Variants in TCHH observed in about 807,000 individuals in gnomAD.
TCHH encodes trichohyalin.
TCHH carries 6 observed loss-of-function variants against 6.3 expected under a neutral mutation model. The ratio of observed to expected loss-of-function variants is 0.95; its 90% CI spans 0.52 to 1.88. TCHH has a LOEUF of 1.88. TCHH is among the 40% of genes most tolerant of loss of function. The pLI is 0.01. For missense variants in TCHH, 2,920 were observed against 2,449.1 expected (o/e 1.19, Z -4.06); for synonymous variants, 1,087 against 963.6 (o/e 1.13, Z -2.37).
In TCHH at chr1:152,113,056, A is replaced by G; in HGVS notation, c.161T>C (p.Val54Ala). The change falls in exon 3 of 3, where the codon GTA becomes GCA. Residue 54 changes from valine (V) to alanine (A), a missense_variant. Coordinates refer to ENST00000614923, the MANE Select transcript of TCHH (RefSeq NM_007113.4). ...ATCCAGAAGTTCCAGGATCAGATCT[A>G]CCGTCTTAGGGTCATGTGGTCTCTA... ...VLRRPHDPKTVDLILELLDLD... is the reference protein window; with the variant it reads ...VLRRPHDPKTADLILELLDLD... 6.2e-7 allele frequency: 1 copy of G among 1,612,858 alleles called. No individual in the cohort carries two copies. Among genetic ancestry groups the G allele is most frequent in the Non-Finnish European group, 8.5e-7 (1 of 1,179,344 alleles).
In TCHH at chr1:152,108,320, C is replaced by A; in HGVS notation, c.4897G>T (p.Glu1633Ter). Residue 1633 changes from glutamate to a stop codon, truncating the protein, a stop_gained, in exon 3 of 3, where the codon GAA becomes TAA. Transcript: ENST00000614923. LOFTEE classifies it low-confidence loss of function (END_TRUNC). ...EDEQLLQEREEQQLHRQERDR... is the reference protein window; with the variant it reads ...EDEQLLQERE ...CGCTCTTGGCGGTGCAGCTGCTGTTCTTCCCTTTCCTGGAGCAGCTGTTCG... is the reference window on the plus strand; with the variant it reads ...CGCTCTTGGCGGTGCAGCTGCTGTTATTCCCTTTCCTGGAGCAGCTGTTCG... 2 of 1,611,870 alleles carry A rather than the reference C, an allele frequency of 1.2e-6. No individual in the cohort carries two copies. Among genetic ancestry groups the A allele is most frequent in the Non-Finnish European group, 1.7e-6 (2 of 1,179,144 alleles).
chr1:152,110,626 C>T lies in TCHH; in HGVS notation c.2591G>A (p.Arg864Gln), dbSNP rs1200172563. Residue 864 changes from arginine (R) to glutamine (Q), a missense_variant, in exon 3 of 3, where the codon CGA (arginine) becomes CAA (glutamine). Coordinates refer to ENST00000614923, the MANE Select transcript of TCHH (RefSeq NM_007113.4). ...TTGGTCGCGGCGCTGCTCCTGGCTT[C>T]GCCTCCTCTCCTGATCCTCCTGGAG... ...DGLQEDQERR[R>Q]SQEQRRDQKW... 3 of 1,612,542 alleles carry T rather than the reference C, an allele frequency of 1.9e-6. No homozygotes were observed. The highest frequency in any genetic ancestry group is 1.7e-5 in the Admixed American group (1 of 59,888).
At position 152,108,413 on chromosome 1, in the gene TCHH, G is replaced by C. The variant is rs774796517; in HGVS notation, c.4804C>G (p.Gln1602Glu). Residue 1602 changes from glutamine (Q) to glutamate (E), a missense_variant, in exon 3 of 3, where the codon CAG becomes GAG. Gln to Glu is a conservative substitution (Grantham distance 29). Transcript: ENST00000614923. The stretch of plus-strand genomic sequence containing the variant: ...TGGCCCTCCTGGCGGCGCAGCTGCT[G>C]TTCGTCCTCCATGAATTTTCTCTCT... ...EQERKFMEDE[Q>E]QLRRQEGQQQ... 1.9e-6 allele frequency: 3 copies of C among 1,613,472 alleles called. No homozygotes were observed. The highest frequency in any genetic ancestry group is 1.7e-6 in the Non-Finnish European group (2 of 1,179,906).
chr1:152,108,445 T>G lies in TCHH; in HGVS notation c.4772A>C (p.Gln1591Pro). 3.1e-6 allele frequency: 5 copies of G among 1,613,788 alleles called. No homozygotes were observed. Among genetic ancestry groups the G allele is most frequent in the Non-Finnish European group, 4.2e-6 (5 of 1,179,916 alleles). The change falls in exon 3 of 3, where the codon CAG becomes CCG. Residue 1591 changes from glutamine to proline, a missense_variant. By Grantham distance (76) the Gln-to-Pro change is moderately conservative. Coordinates refer to ENST00000614923, the MANE Select transcript of TCHH (RefSeq NM_007113.4). ...CTCCATGAATTTTCTCTCTTGTTCC[T>G]GGCGGCGCACTTTCTGTTCCTCTAA... The part of the protein sequence containing the change: ...FRLEEQKVRR[Q>P]EQERKFMEDE...
chr1:152,112,628 T>G lies in TCHH; in HGVS notation c.589A>C (p.Lys197Gln). The change falls in exon 3 of 3, where the codon AAA becomes CAA. Residue 197 changes from lysine to glutamine, a missense_variant. By Grantham distance (53) the Lys-to-Gln change is moderately conservative. Coordinates refer to ENST00000614923, the MANE Select transcript of TCHH (RefSeq NM_007113.4). Reference protein sequence around the residue: ...RAEEEQLQSCKGHETEEFPDE... With the variant: ...RAEEEQLQSCQGHETEEFPDE... ...GGAAACTCCTCAGTTTCGTGACCTT[T>G]GCAACTCTGCAGCTGCTCTTCCTCT... The G allele has an allele frequency of 6.2e-7, 1 of 1,613,802 alleles. No individual in the cohort carries two copies. The highest frequency in any genetic ancestry group is 8.5e-7 in the Non-Finnish European group (1 of 1,180,004).
chr1:152,114,771 C>T (rs1240439683), intron 1 of TCHH, among the ~76,000 whole-genome samples: 5 of 152,206 alleles, frequency 3.3e-5, no homozygotes, highest in African/African-American at 1.2e-4. Flanking sequence ...CCTGCCTCAA[C>T]TCAGATATAG....
rs1227941375 is a variant in TCHH at position 152,108,267 on chromosome 1, C to G, written c.4950G>C (p.Pro1650=). 1 of 1,612,546 alleles carries G rather than the reference C, an allele frequency of 6.2e-7. No individual in the cohort carries two copies. The highest frequency in any genetic ancestry group is 1.3e-5 in the African/African-American group (1 of 74,620). The change falls in exon 3 of 3, where the codon CCG becomes CCC. Residue 1650 remains proline (P), a synonymous_variant. Transcript: ENST00000614923. The part of the protein sequence containing the change: ...ERDRKFLEEE[P]QLRRQEREQQ... Reference sequence around the variant, plus strand: ...GTTCGCGCTCCTGGCGGCGCAGCTGCGGTTCCTCCTCGAGGAATTTTCTGT... The same window carrying G: ...GTTCGCGCTCCTGGCGGCGCAGCTGGGGTTCCTCCTCGAGGAATTTTCTGT...
chr1:152,111,668 G>T lies in TCHH; in HGVS notation c.1549C>A (p.Gln517Lys). 1 of 1,572,790 alleles carries T rather than the reference G, an allele frequency of 6.4e-7. No individual in the cohort carries two copies. The highest frequency in any genetic ancestry group is 8.7e-7 in the Non-Finnish European group (1 of 1,151,424). Residue 517 changes from glutamine to lysine, a missense_variant, in exon 3 of 3, where the codon CAG (glutamine) becomes AAG (lysine). Physicochemically the swap from Gln to Lys is moderately conservative, Grantham distance 53 (BLOSUM62 1). Coordinates refer to ENST00000614923, the MANE Select transcript of TCHH (RefSeq NM_007113.4). ...LRREQEERRE[Q>K]RLKRQEEEER... The stretch of plus-strand genomic sequence containing the variant: ...TCCTCCTCCTGGCGCTTCAGCCGCT[G>T]CTCGCGCCTCTCCTCTTGCTCCCGC...
In TCHH at chr1:152,110,353, T is replaced by C. The variant is rs756205350; in HGVS notation, c.2864A>G (p.Glu955Gly). ...ATCCTTCCGATATTGCCTTTCCCGCTCCTGGCGTCTTCTTTTCTCCCGTTC... is the reference window on the plus strand; with the variant it reads ...ATCCTTCCGATATTGCCTTTCCCGCCCCTGGCGTCTTCTTTTCTCCCGTTC... ...REEREKRRRQ[E>G]RERQYRKDKK... Residue 955 changes from glutamate (E) to glycine (G), a missense_variant, in exon 3 of 3, where the codon GAG becomes GGG. By Grantham distance (98) the Glu-to-Gly change is moderately conservative (BLOSUM62 -2). Coordinates refer to ENST00000614923, the MANE Select transcript of TCHH (RefSeq NM_007113.4). 6 of 1,611,572 alleles carry C rather than the reference T, an allele frequency of 3.7e-6. No homozygotes were observed. The highest frequency in any genetic ancestry group is 5.1e-6 in the Non-Finnish European group (6 of 1,179,078).
Position 152,108,808 on chromosome 1 carries a change from A to C in TCHH, c.4409T>G (p.Leu1470Arg), listed in dbSNP as rs71625152. 3 of 1,597,560 alleles carry C rather than the reference A, an allele frequency of 1.9e-6. No homozygotes were observed. Among genetic ancestry groups the C allele is most frequent in the Non-Finnish European group, 1.7e-6 (2 of 1,176,412 alleles). ...CAGCTGCTGTTCTTCCCTTTCCTGG[A>C]GCAGCTGTTCCTCTTCGCGGAATTT... is the stretch of plus-strand genomic sequence containing the variant. ...HRKFREEEQL[L>R]QEREEQQLHR... is the part of the protein sequence containing the mutation. Residue 1470 changes from leucine to arginine, a missense_variant, in exon 3 of 3, where the codon CTC becomes CGC. By Grantham distance (102) the Leu-to-Arg change is moderately radical. Transcript: ENST00000614923.
rs747626615 is a variant in TCHH at position 152,112,661 on chromosome 1, G to T, written c.556C>A (p.Arg186Ser). Residue 186 changes from arginine (R) to serine (S), a missense_variant, in exon 3 of 3, where the codon CGC becomes AGC. Arg to Ser is a moderately radical substitution (Grantham distance 110, BLOSUM62 -1). Coordinates refer to ENST00000614923, the MANE Select transcript of TCHH (RefSeq NM_007113.4). ...TGCAGCTGCTCTTCCTCTGCACGGCGCTCTTCCCGTTCTTGCCATTCTTGC... is the reference window on the plus strand; with the variant it reads ...TGCAGCTGCTCTTCCTCTGCACGGCTCTCTTCCCGTTCTTGCCATTCTTGC... ...QRQEWQEREE[R>S]RAEEEQLQSC... The T allele has an allele frequency of 3.1e-6, 5 of 1,613,758 alleles. No homozygotes were observed. The highest frequency in any genetic ancestry group is 4.2e-6 in the Non-Finnish European group (5 of 1,180,032).
chr1:152,111,416 G>A lies in TCHH; in HGVS notation c.1801C>T (p.Arg601Ter), dbSNP rs762968637. The A allele has an allele frequency of 2.9e-5, 47 of 1,604,004 alleles. No homozygotes were observed. The highest frequency in any genetic ancestry group is 4.0e-5 in the Non-Finnish European group (47 of 1,177,408). Residue 601 changes from arginine to a stop codon, truncating the protein, a stop_gained, in exon 3 of 3, where the codon CGA becomes TGA. Transcript: ENST00000614923. LOFTEE classifies it low-confidence loss of function (END_TRUNC). ...KREQEERLEQ[R>*]LKREEVERLE... ...CTCTCCACCTCCTCGCGCTTCAGTCGCTGCTCGAGCCTCTCTTCCTGCTCG... is the reference window on the plus strand; with the variant it reads ...CTCTCCACCTCCTCGCGCTTCAGTCACTGCTCGAGCCTCTCTTCCTGCTCG...
chr1:152,111,223 T>C lies in TCHH; in HGVS notation c.1994A>G (p.Glu665Gly), dbSNP rs1047752875. 9.9e-6 allele frequency: 16 copies of C among 1,608,290 alleles called. No individual in the cohort carries two copies. Among genetic ancestry groups the C allele is most frequent in the Non-Finnish European group, 1.4e-5 (16 of 1,177,942 alleles). Residue 665 changes from glutamate (E) to glycine (G), a missense_variant, in exon 3 of 3, where the codon GAA (glutamate) becomes GGA (glycine). Physicochemically the swap from Glu to Gly is moderately conservative, Grantham distance 98. Transcript: ENST00000614923. ...REQRLKREEEEERLEQRLKRE... is the reference protein window; with the variant it reads ...REQRLKREEEGERLEQRLKRE... ...CTTCAGCCGCTGCTCGAGCCTCTCT[T>C]CCTCCTCCTCGCGCTTCAGCCGCTG...
chr1:152,113,145 CAT>C (rs1003808065), intron 2 of TCHH, 67 bp from the exon 3 acceptor site: 3 of 1,395,834 alleles, frequency 2.1e-6, no homozygotes, highest in African/African-American at 2.9e-5. Context: ...TATATTCACA[CAT>C]GATATATTTT....
At position 152,112,960 on chromosome 1, in the gene TCHH, T is replaced by C; in HGVS notation, c.257A>G (p.Tyr86Cys). 6.2e-7 allele frequency: 1 copy of C among 1,613,996 alleles called. No homozygotes were observed. Among genetic ancestry groups the C allele is most frequent in the Non-Finnish European group, 8.5e-7 (1 of 1,179,998 alleles). Residue 86 changes from tyrosine (Y) to cysteine (C), a missense_variant, in exon 3 of 3, where the codon TAC becomes TGC. Transcript: ENST00000614923. ...LFIFKVAQAC[Y>C]YALGQATGLD... is the part of the protein sequence containing the mutation. ...TCCCGTGGCCTGGCCGAGAGCATAG[T>C]AACAAGCTTGAGCCACTTTGAAAAT... is the stretch of plus-strand genomic sequence containing the variant.
intron 1 of TCHH, among the ~76,000 whole-genome samples, chr1:152,114,933 T>A (rs1658474067): frequency 6.6e-6 from 1 of 152,222 alleles, no homozygotes; most frequent in African/African-American, 2.4e-5. Context: ...CAGCAGTAGA[T>A]CAATGTTATA....
chr1:152,114,629 A>T (rs1557814198), intron 1 of TCHH, among the ~76,000 whole-genome samples: 1 of 152,226 alleles, frequency 6.6e-6, no homozygotes, highest in Non-Finnish European at 1.5e-5. Context: ...CAGTCCATAA[A>T]GGATTTAGGA....
Position 152,107,407 on chromosome 1 carries a change from T to C in TCHH, c.5810A>G (p.Gln1937Arg). The C allele has an allele frequency of 6.3e-7, 1 of 1,579,188 alleles. No individual in the cohort carries two copies. Among genetic ancestry groups the C allele is most frequent in the Non-Finnish European group, 8.6e-7 (1 of 1,163,138 alleles). The change falls in exon 3 of 3, where the codon CAG (glutamine) becomes CGG (arginine). Residue 1937 changes from glutamine to arginine, a missense_variant. Transcript: ENST00000614923. ...CACTTAAGGGCGGTATTGAGATCTC[T>C]GCTCTTGGATGTACTCATAGAGAGG... ...SSPLYEYIQEQRSQYRP is the reference protein window; with the variant it reads ...SSPLYEYIQERRSQYRP
Position 152,108,905 on chromosome 1 carries a change from G to C in TCHH, c.4312C>G (p.Gln1438Glu). 1 of 1,610,334 alleles carries C rather than the reference G, an allele frequency of 6.2e-7. No individual in the cohort carries two copies. Among genetic ancestry groups the C allele is most frequent in the Non-Finnish European group, 8.5e-7 (1 of 1,178,842 alleles). Residue 1438 changes from glutamine to glutamate, a missense_variant, in exon 3 of 3, where the codon CAG (glutamine) becomes GAG (glutamate). Transcript: ENST00000614923. ...CTCTCTCGTTCCTGGCGGCGCACCT[G>C]CTGTTCCTCTTCACGGAATTTTCTG... Reference protein sequence around the residue: ...RDRKFREEEQQVRRQERERKF... With the variant: ...RDRKFREEEQEVRRQERERKF...
Sources: allele counts gnomAD v4.1 joint callset (sites outside exome capture counted in the v4.1 genomes callset), GRCh38; gene constraint gnomAD v4.1.1; transcripts MANE v1.5; gene names NCBI Gene and HGNC (gene_info 2026-07-23, HGNC 2026-07-21).